The following ARHGAP5 variants were observed in gnomAD, a reference collection of about 807,000 sequenced individuals.
ARHGAP5 encodes rho GTPase-activating protein 5.
A neutral mutation model predicts 116.6 loss-of-function variants in ARHGAP5; 23 were observed. The observed-to-expected ratio is 0.20, with a 90% CI of 0.14 to 0.28. The LOEUF (loss-of-function observed/expected upper bound fraction) is 0.28. Ranked by LOEUF, ARHGAP5 falls within the 10% of genes least tolerant of loss-of-function variation. The pLI is 1.00. For synonymous variants in ARHGAP5, 574 were observed against 602.0 expected (o/e 0.95, Z 0.68); for missense variants, 1,405 against 1,774.8 (o/e 0.79, Z 3.74).
intron 1 of ARHGAP5, among the ~76,000 whole-genome samples, chr14:32,085,816 G>C (rs1033684938): frequency 6.6e-6 from 1 of 152,078 alleles, no homozygotes; most frequent in East Asian, 1.9e-4. Context: ...AACTATATTT[G>C]GGGTTGTACT....
At chr14:32,096,622 T>A (rs1331893346) in intron 2 of ARHGAP5, among the ~76,000 whole-genome samples, 1 of 152,188 alleles carries the variant, frequency 6.6e-6, no homozygotes, top group Non-Finnish European at 1.5e-5. Flanking sequence ...CCTAAACAAA[T>A]ATGCTTCAAA....
In ARHGAP5 at chr14:32,149,945, T is replaced by A; in HGVS notation, c.3987T>A (p.Ala1329=). The A allele has an allele frequency of 6.3e-7, 1 of 1,599,070 alleles. No individual in the cohort carries two copies. The highest frequency in any genetic ancestry group is 8.5e-7 in the Non-Finnish European group (1 of 1,171,224). Residue 1329 remains alanine (A), a synonymous_variant, in exon 5 of 7, where the codon GCT becomes GCA. Coordinates refer to ENST00000345122, the MANE Select transcript of ARHGAP5 (RefSeq NM_001030055.2). ...NLVSMEVTVN[A]VAGALKAFFA... Reference sequence around the variant, plus strand: ...TGTCAATGGAAGTAACAGTAAATGCTGTAGCTGGAGCCCTTAAAGCTTTCT... The same window carrying A: ...TGTCAATGGAAGTAACAGTAAATGCAGTAGCTGGAGCCCTTAAAGCTTTCT...
At chr14:32,139,187 T>A (rs1880968320) in intron 3 of ARHGAP5, among the ~76,000 whole-genome samples, 1 of 152,212 alleles carries the variant, frequency 6.6e-6, no homozygotes, top group Admixed American at 6.5e-5. Context: ...CCTATAGTTT[T>A]CACTTTGTAT....
At chr14:32,117,383 C>T (rs868069883) in intron 3 of ARHGAP5, 96 bp downstream of exon 3, 4 of 1,159,382 alleles carry the variant, frequency 3.5e-6, no homozygotes, top group Middle Eastern at 2.0e-4. Context: ...TAATATAGTT[C>T]TCATTATTAG....
chr14:32,110,376 A>G (rs1879231454), intron 2 of ARHGAP5, among the ~76,000 whole-genome samples: 1 of 151,696 alleles, frequency 6.6e-6, no homozygotes. Context: ...CCAGGCTGGA[A>G]TTTAAACCCC....
rs199801370 is a variant in ARHGAP5, at chr14:32,081,841, C to T, written c.-169+4406C>T. On this transcript the variant is annotated intron_variant, in intron 1 of 6. Coordinates refer to ENST00000345122, the MANE Select transcript of ARHGAP5 (RefSeq NM_001030055.2). ...TCTTTTTATACTTACCTTTTCAGAG[C>T]CAAGGTAATATCTCTTTTAGAGAAC... is the stretch of plus-strand genomic sequence containing the variant. Among the ~76,000 whole-genome samples, 11 of 152,226 alleles carry T rather than the reference C, an allele frequency of 7.2e-5. No homozygotes were observed. In the East Asian group the frequency reaches 1.7e-3, roughly 24 times the overall value.
chr14:32,117,375 A>G, intron 3 of ARHGAP5, 88 bp downstream of exon 3: 1 of 1,223,736 alleles, frequency 8.2e-7, no homozygotes, highest in South Asian at 1.7e-5. Flanking sequence ...TGATTTGTTA[A>G]TATAGTTCTC....
At chr14:32,100,015 T>A (rs970392846) in intron 2 of ARHGAP5, among the ~76,000 whole-genome samples, 1 of 152,234 alleles carries the variant, frequency 6.6e-6, no homozygotes, top group African/African-American at 2.4e-5. Context: ...AATTATTTTT[T>A]AAAATCATGA....
chr14:32,137,753 C>A (rs1880882652), intron 3 of ARHGAP5, among the ~76,000 whole-genome samples: 1 of 151,990 alleles, frequency 6.6e-6, no homozygotes, highest in Non-Finnish European at 1.5e-5. Flanking sequence ...TGGGCAGATA[C>A]CTGAGGTCAG....
rs995816026 is a variant in ARHGAP5 at position 32,155,505 on chromosome 14, C to T, written c.*557C>T. On this transcript the variant is annotated 3_prime_UTR_variant, in exon 7 of 7. Transcript: ENST00000345122. ...AATACACTTGACATATTTCACATTTCTGTACCTTCATCTTTACTTCCAAGT... is the reference window on the plus strand; with the variant it reads ...AATACACTTGACATATTTCACATTTTTGTACCTTCATCTTTACTTCCAAGT... 1 of 152,986 alleles carries T rather than the reference C, an allele frequency of 6.5e-6. No homozygotes were observed. The highest frequency in any genetic ancestry group is 1.5e-5 in the Non-Finnish European group (1 of 68,296). The allele number at this position is 152,986 out of a possible 1,614,324, so 9.5% of individuals were successfully genotyped here.
At chr14:32,107,644 T>C (rs1197720380) in intron 2 of ARHGAP5, among the ~76,000 whole-genome samples, 2 of 152,216 alleles carry the variant, frequency 1.3e-5, no homozygotes, top group Non-Finnish European at 2.9e-5. Flanking sequence ...AAAACCAAGG[T>C]TGACTCCTAG....
At chr14:32,139,886 A>G (rs1012009165) in intron 3 of ARHGAP5, among the ~76,000 whole-genome samples, 8 of 150,608 alleles carry the variant, frequency 5.3e-5, no homozygotes, top group East Asian at 1.9e-4. Flanking sequence ...TGTTCATGTC[A>G]AAGTATTTTC....
At chr14:32,133,413 A>G (rs987056214) in intron 3 of ARHGAP5, among the ~76,000 whole-genome samples, 4 of 152,076 alleles carry the variant, frequency 2.6e-5, no homozygotes, top group Non-Finnish European at 5.9e-5. Flanking sequence ...AATGCTTTTG[A>G]TTTTTGCACA....
chr14:32,090,117 C>T (rs1165185251), intron 1 of ARHGAP5, among the ~76,000 whole-genome samples: 1 of 151,980 alleles, frequency 6.6e-6, no homozygotes, highest in Non-Finnish European at 1.5e-5. Context: ...GAGGGAGTTG[C>T]AAGTCAACTA....
At chr14:32,140,347 C>T (rs534670405) in intron 3 of ARHGAP5, among the ~76,000 whole-genome samples, 2 of 151,410 alleles carry the variant, frequency 1.3e-5, no homozygotes, top group African/African-American at 4.9e-5. Context: ...TTTGGGAGGC[C>T]GAGGCAGGTG....
At chr14:32,153,326 G>A (rs1881733628) in intron 6 of ARHGAP5, among the ~76,000 whole-genome samples, 4 of 130,246 alleles carry the variant, frequency 3.1e-5, no homozygotes, top group African/African-American at 1.1e-4. Flanking sequence ...AGAATTGCTT[G>A]AGCCCGGGAG....
Position 32,122,530 on chromosome 14 carries a change from C to G in ARHGAP5, c.3865+5243C>G, listed in dbSNP as rs1594372253. On this transcript the variant is annotated intron_variant, in intron 3 of 6. Coordinates refer to ENST00000345122, the MANE Select transcript of ARHGAP5 (RefSeq NM_001030055.2). ...TCAATTTTGATGAAGAACATTTTGT[C>G]TGTTTCTAAAATTTTGTCACTGTGT... Among the ~76,000 whole-genome samples, 8 of 152,228 alleles carry G rather than the reference C, an allele frequency of 5.3e-5. 2 individuals carry two copies. Among genetic ancestry groups the G allele is most frequent in the Admixed American group, 5.2e-4 (8 of 15,294 alleles).
chr14:32,143,150 C>G (rs1254163411), intron 3 of ARHGAP5, among the ~76,000 whole-genome samples: 1 of 151,928 alleles, frequency 6.6e-6, no homozygotes, highest in East Asian at 1.9e-4. Context: ...GGTTAGTGAC[C>G]TTTTCTAATG....
At chr14:32,127,148 C>A (rs143791745) in intron 3 of ARHGAP5, among the ~76,000 whole-genome samples, 18 of 151,866 alleles carry the variant, frequency 1.2e-4, no homozygotes, top group Middle Eastern at 6.8e-3. Flanking sequence ...CAGGTGCGTG[C>A]CACCACTCCT....
Sources: gnomAD v4.1 joint callset for allele counts (sites outside exome capture counted in the v4.1 genomes callset) on GRCh38, gnomAD v4.1.1 for gene constraint, MANE v1.5 for transcripts, NCBI Gene and HGNC (gene_info 2026-07-23, HGNC 2026-07-21) for gene names.